The following PAFAH2 variants were observed in gnomAD, a reference collection of about 807,000 sequenced individuals.
PAFAH2 encodes platelet activating factor acetylhydrolase 2.
Under a neutral mutation model 49.0 loss-of-function variants are expected in PAFAH2, and 42 were observed. The observed-to-expected ratio is 0.86, with a 90% CI of 0.67 to 1.11. The LOEUF (loss-of-function observed/expected upper bound fraction) is 1.11, where lower values mean the gene tolerates loss of function less well. PAFAH2 is among the 50% of genes least tolerant of loss of function. PAFAH2 has a pLI of 0.00. For missense variants in PAFAH2, 503 were observed against 501.8 expected, an observed-to-expected ratio of 1.00 and a Z score of -0.02; for synonymous variants, 184 against 181.3, an observed-to-expected ratio of 1.01 and a Z score of -0.12.
At chr1:25,984,651 C>T (rs371075401) in intron 4 of PAFAH2, 123 bp from the exon 5 acceptor site, 1 of 681,562 alleles carries the variant, frequency 1.5e-6, no homozygotes, top group Admixed American at 2.6e-5. Flanking sequence ...TAACTGTCTA[C>T]CTCTGGCTTC....
At chr1:25,971,823 G>A (rs140471535) in intron 10 of PAFAH2, among the ~76,000 whole-genome samples, 2 of 152,270 alleles carry the variant, frequency 1.3e-5, no homozygotes, top group African/African-American at 4.8e-5. Context: ...CTCTATGACT[G>A]ATGACATTAT....
At chr1:25,976,814 A>C (rs1169791299) in intron 7 of PAFAH2, 41 bp from the exon 8 acceptor site, 4 of 1,515,792 alleles carry the variant, frequency 2.6e-6, no homozygotes, top group Non-Finnish European at 2.7e-6. Flanking sequence ...GAAACTCAGG[A>C]CTGCTTCTTT....
Position 25,976,670 on chromosome 1 carries a change from T to A in PAFAH2, c.758+12A>T, listed in dbSNP as rs371739285. 2 of 1,600,618 alleles carry A rather than the reference T, an allele frequency of 1.2e-6. No homozygotes were observed. Among genetic ancestry groups the A allele is most frequent in the Non-Finnish European group, 1.7e-6 (2 of 1,167,754 alleles). Reference sequence around the variant, plus strand: ...ATGGAGCTAAGCACAGCAACACTACTAGGAAACTCACCGAAATTGGGTCTC... The same window carrying A: ...ATGGAGCTAAGCACAGCAACACTACAAGGAAACTCACCGAAATTGGGTCTC... On this transcript the variant is annotated intron_variant, in intron 8 of 10. Transcript: ENST00000374282.
intron 7 of PAFAH2, among the ~76,000 whole-genome samples, chr1:25,980,801 T>C (rs1572354337): frequency 6.6e-6 from 1 of 151,816 alleles, no homozygotes; most frequent in Non-Finnish European, 1.5e-5. Flanking sequence ...GTGGACTGCC[T>C]GGGCCCAAGA....
At chr1:25,970,246 C>T (rs2049487181) in intron 10 of PAFAH2, among the ~76,000 whole-genome samples, 1 of 152,128 alleles carries the variant, frequency 6.6e-6, no homozygotes, top group Non-Finnish European at 1.5e-5. Flanking sequence ...GCAGGTGGAT[C>T]ACTGGAGGTT....
chr1:25,992,338 A>T (rs2049887513), intron 1 of PAFAH2, among the ~76,000 whole-genome samples: 1 of 152,168 alleles, frequency 6.6e-6, no homozygotes. Context: ...TCCTAAGAGG[A>T]AAAAAAGCAG....
At chr1:25,992,997 C>T (rs1257281181) in intron 1 of PAFAH2, among the ~76,000 whole-genome samples, 2 of 152,154 alleles carry the variant, frequency 1.3e-5, no homozygotes, top group African/African-American at 2.4e-5. Context: ...ACAGCAGCCA[C>T]TTTTGCCACC....
At chr1:25,970,811 C>A (rs1182758849) in intron 10 of PAFAH2, among the ~76,000 whole-genome samples, 1 of 152,074 alleles carries the variant, frequency 6.6e-6, no homozygotes, top group Non-Finnish European at 1.5e-5. Context: ...TGGTCTCAAA[C>A]CCGTGGCCTC....
In PAFAH2 at chr1:25,960,872, C is replaced by G. The variant is rs1340693244; in HGVS notation, c.*1117G>C. On this transcript the variant is annotated 3_prime_UTR_variant, in exon 11 of 11. Transcript: ENST00000374282. Reference sequence around the variant, plus strand: ...CCAGGCTGGAGTGCAGTGGCGCGATCTTGACTCACTGCAACCTCCGCCTCC... The same window carrying G: ...CCAGGCTGGAGTGCAGTGGCGCGATGTTGACTCACTGCAACCTCCGCCTCC... 1.3e-5 allele frequency: 2 copies of G among 149,942 alleles called. No homozygotes were observed. Among genetic ancestry groups the G allele is most frequent in the Non-Finnish European group, 3.0e-5 (2 of 67,784 alleles). The allele number at this position is 149,942 out of a possible 1,614,324, so 9.3% of individuals were successfully genotyped here. A position where few individuals can be genotyped will look rare whatever the true frequency, so the allele number is the denominator to read the frequency against.
At chr1:25,962,179 A>C (rs1404619013) in intron 10 of PAFAH2, 96 bp from the exon 11 acceptor site, 1 of 933,018 alleles carries the variant, frequency 1.1e-6, no homozygotes, top group Non-Finnish European at 1.7e-6. Flanking sequence ...TAGAGAGAGG[A>C]GCGCCTGGGA....
intron 10 of PAFAH2, among the ~76,000 whole-genome samples, chr1:25,965,662 G>A (rs1428854550): frequency 1.3e-5 from 2 of 151,118 alleles, no homozygotes; most frequent in East Asian, 1.9e-4. Flanking sequence ...TTAAAAATAC[G>A]AAAAAATCAG....
intron 4 of PAFAH2, 71 bp downstream of exon 4, chr1:25,988,157 TGAG>T: frequency 2.2e-6 from 2 of 927,844 alleles, no homozygotes; most frequent in Admixed American, 2.7e-5. Context: ...TTTTGCCCTT[TGAG>T]AATAAGCTAA....
At chr1:25,970,711 G>A (rs1006204987) in intron 10 of PAFAH2, among the ~76,000 whole-genome samples, 2 of 151,880 alleles carry the variant, frequency 1.3e-5, no homozygotes, top group Admixed American at 6.6e-5. Context: ...CCAGCCTCCC[G>A]AGTAGCTGGG....
At chr1:25,987,715 G>A (rs2049804196) in intron 4 of PAFAH2, among the ~76,000 whole-genome samples, 1 of 139,880 alleles carries the variant, frequency 7.1e-6, no homozygotes, top group Non-Finnish European at 1.5e-5. Context: ...TCTCGTCCCT[G>A]AAAAAAAAAA....
intron 3 of PAFAH2, among the ~76,000 whole-genome samples, chr1:25,989,173 C>A (rs2049834928): frequency 6.6e-6 from 1 of 152,146 alleles, no homozygotes; most frequent in Admixed American, 6.5e-5. Flanking sequence ...ACTACAAACC[C>A]CCAAAGACAT....
At position 25,961,363 on chromosome 1, in the gene PAFAH2, G is replaced by A. The variant is rs2049336007; in HGVS notation, c.*626C>T. The A allele has an allele frequency of 6.6e-6, 1 of 152,190 alleles. No individual in the cohort carries two copies. The highest frequency in any genetic ancestry group is 6.5e-5 in the Admixed American group (1 of 15,274). The allele number at this position is 152,190 out of a possible 1,614,324, so 9.4% of individuals were successfully genotyped here. On this transcript the variant is annotated 3_prime_UTR_variant, in exon 11 of 11. Coordinates refer to ENST00000374282, the MANE Select transcript of PAFAH2 (RefSeq NM_000437.4). ...CTCCCTGTGCTGTGAGAGCCATGCT[G>A]TCTGCCACTCTGTGGGCTCACAAGT...
At chr1:25,981,629 C>T (rs1053475330) in intron 7 of PAFAH2, among the ~76,000 whole-genome samples, 2 of 152,194 alleles carry the variant, frequency 1.3e-5, no homozygotes, top group African/African-American at 2.4e-5. Context: ...ATACCCTCTC[C>T]CTCTGACAAA....
intron 4 of PAFAH2, among the ~76,000 whole-genome samples, chr1:25,987,355 C>A (rs1338676355): frequency 2.0e-5 from 3 of 152,040 alleles, no homozygotes; most frequent in Admixed American, 1.3e-4. Context: ...AAAACAGATG[C>A]CTTTGAGATG....
chr1:25,982,269 C>T (rs926323212), intron 7 of PAFAH2, 95 bp downstream of exon 7: 5 of 874,988 alleles, frequency 5.7e-6, no homozygotes, highest in Non-Finnish European at 9.4e-6. Flanking sequence ...CCAATCAATT[C>T]TCTTTTGGTT....
Sources: allele counts gnomAD v4.1 joint callset (sites outside exome capture counted in the v4.1 genomes callset), GRCh38; gene constraint gnomAD v4.1.1; transcripts MANE v1.5; gene names NCBI Gene and HGNC (gene_info 2026-07-23, HGNC 2026-07-21).